Variants in RPAP2 observed in about 807,000 individuals in gnomAD.
RPAP2 encodes putative RNA polymerase II subunit B1 CTD phosphatase RPAP2.
In RPAP2, 52 loss-of-function variants were observed where a neutral mutation model predicts 73.1. The ratio of observed to expected loss-of-function variants is 0.71; its 90% confidence interval spans 0.57 to 0.90. The LOEUF is 0.90. RPAP2 is among the 40% of genes least tolerant of loss of function. The pLI is 0.00. For synonymous variants in RPAP2, 225 were observed against 242.1 expected (o/e 0.93, Z 0.65); for missense variants, 598 against 701.8 (o/e 0.85, Z 1.67).
chr1:92,358,142 T>G (rs936037933), intron 11 of RPAP2, among the ~76,000 whole-genome samples: 1 of 152,182 alleles, frequency 6.6e-6, no homozygotes, highest in African/African-American at 2.4e-5. Flanking sequence ...CCACCTTGCG[T>G]CAGCCCTTCA....
intron 11 of RPAP2, among the ~76,000 whole-genome samples, chr1:92,375,852 T>G (rs1655366214): frequency 6.7e-6 from 1 of 149,122 alleles, no homozygotes; most frequent in African/African-American, 2.5e-5. Flanking sequence ...ACAAAAAATT[T>G]AGATGGGTGT....
chr1:92,401,501 A>G lies in RPAP2; in HGVS notation c.*14490A>G, dbSNP rs1462182237. ...GTCATCAGCAAATAAAGATTATTGT[A>G]CTTGTTCTTTGCCAACCCATATGTC... On this transcript the variant is annotated 3_prime_UTR_variant, in exon 13 of 13. Transcript: ENST00000610020. The G allele has an allele frequency of 2.6e-5, 4 of 152,212 alleles. No individual in the cohort carries two copies. The highest frequency in any genetic ancestry group is 9.7e-5 in the African/African-American group (4 of 41,448). 9.4% of individuals were successfully genotyped at this position (152,212 alleles called of 1,614,324 possible). A position where few individuals can be genotyped will look rare whatever the true frequency, so the allele number is the denominator to read the frequency against.
At chr1:92,356,296 T>C (rs929417389) in intron 11 of RPAP2, among the ~76,000 whole-genome samples, 37 of 152,152 alleles carry the variant, frequency 2.4e-4, no homozygotes, top group African/African-American at 8.0e-4. Context: ...TATTTTATTC[T>C]GGGAATAAGT....
chr1:92,317,401 A>G (rs1036695416), intron 6 of RPAP2, among the ~76,000 whole-genome samples: 1 of 151,790 alleles, frequency 6.6e-6, no homozygotes, highest in African/African-American at 2.4e-5. Context: ...CCAGCTACTC[A>G]GGAGGCTGAG....
rs753517164 is a variant in RPAP2 at position 92,399,055 on chromosome 1, AT to A, written c.*12046del. On this transcript the variant is annotated 3_prime_UTR_variant, in exon 13 of 13. Coordinates refer to ENST00000610020, the MANE Select transcript of RPAP2 (RefSeq NM_024813.3). The stretch of plus-strand genomic sequence containing the variant: ...ACCAATAAAGGAGCTGGGAGGTGGA[AT>A]TGGATCAAAATACCTTTAGATGAAA... The A allele has an allele frequency of 3.0e-4, 46 of 152,336 alleles. No homozygotes were observed. The highest frequency in any genetic ancestry group is 4.3e-4 in the Non-Finnish European group (29 of 68,038). The allele number at this position is 152,336 out of a possible 1,614,324, so 9.4% of individuals were successfully genotyped here.
At position 92,375,925 on chromosome 1, in the gene RPAP2, A is replaced by G. The variant is rs192181090; in HGVS notation, c.1689-4799A>G. 3.4e-3 allele frequency among the ~76,000 whole-genome samples: 516 copies of G among 151,196 alleles called. 6 individuals are homozygous for G. The highest frequency in any genetic ancestry group is 0.011 in the African/African-American group (436 of 41,086). On this transcript the variant is annotated intron_variant, in intron 11 of 12. Transcript: ENST00000610020. ...AGAGGCCCAAAAACCGCTTGAACCC[A>G]GGAGGCAGAGGTTGCAGTGAGCCAA... is the stretch of plus-strand genomic sequence containing the variant.
chr1:92,336,282 G>C, intron 9 of RPAP2, 65 bp from the exon 10 acceptor site: 3 of 1,058,462 alleles, frequency 2.8e-6, no homozygotes, highest in Non-Finnish European at 4.3e-6. Context: ...TCAGATCTAG[G>C]CATGACCCAA....
At chr1:92,354,624 C>G (rs1557620779) in intron 11 of RPAP2, among the ~76,000 whole-genome samples, 2 of 152,094 alleles carry the variant, frequency 1.3e-5, no homozygotes, top group South Asian at 4.1e-4. Flanking sequence ...AGGACATAAA[C>G]CATCTGTTAT....
intron 6 of RPAP2, among the ~76,000 whole-genome samples, chr1:92,313,318 C>T (rs1048189049): frequency 6.6e-6 from 1 of 152,164 alleles, no homozygotes; most frequent in Non-Finnish European, 1.5e-5. Flanking sequence ...TACTCCTTGA[C>T]CCATGGGCTG....
intron 11 of RPAP2, among the ~76,000 whole-genome samples, chr1:92,361,587 A>C (rs1307807672): frequency 6.6e-6 from 1 of 152,182 alleles, no homozygotes; most frequent in Non-Finnish European, 1.5e-5. Context: ...ATATTTTCCC[A>C]TGTGAATACA....
At chr1:92,346,524 C>T (rs192760706) in intron 11 of RPAP2, among the ~76,000 whole-genome samples, 23 of 152,166 alleles carry the variant, frequency 1.5e-4, no homozygotes, top group Non-Finnish European at 2.8e-4. Context: ...ATAGTCTTTT[C>T]GTTTCATTTT....
intron 10 of RPAP2, among the ~76,000 whole-genome samples, chr1:92,343,952 G>A (rs1653737961): frequency 6.6e-6 from 1 of 152,172 alleles, no homozygotes; most frequent in African/African-American, 2.4e-5. Flanking sequence ...AGGAGGAAGA[G>A]GGCATGAAGT....
At chr1:92,380,033 G>A (rs565751500) in intron 11 of RPAP2, among the ~76,000 whole-genome samples, 1 of 85,400 alleles carries the variant, frequency 1.2e-5, no homozygotes, top group South Asian at 3.5e-4. Context: ...GCTGAGGCTG[G>A]TGGATCGCCT....
At position 92,400,192 on chromosome 1, in the gene RPAP2, C is replaced by T. The variant is rs1204442753; in HGVS notation, c.*13181C>T. ...ACCCACTTGGGATTAGGGAAGCCAC[C>T]CTCTGTGAGTGAGTTAAACTGAGAT... is the stretch of plus-strand genomic sequence containing the variant. On this transcript the variant is annotated 3_prime_UTR_variant, in exon 13 of 13. Coordinates refer to ENST00000610020, the MANE Select transcript of RPAP2 (RefSeq NM_024813.3). 1 of 152,116 alleles carries T rather than the reference C, an allele frequency of 6.6e-6. No homozygotes were observed. Among genetic ancestry groups the T allele is most frequent in the East Asian group, 1.9e-4 (1 of 5,172 alleles). The allele number at this position is 152,116 out of a possible 1,614,324, so 9.4% of individuals were successfully genotyped here. A position where few individuals can be genotyped will look rare whatever the true frequency, so the allele number is the denominator to read the frequency against.
chr1:92,387,195 G>A lies in RPAP2; in HGVS notation c.*184G>A. Reference sequence around the variant, plus strand: ...CCAACTGCAGAGGATGACCTCCCCAGATAGAGGAGAATCATTACTCCAACA... The same window carrying A: ...CCAACTGCAGAGGATGACCTCCCCAAATAGAGGAGAATCATTACTCCAACA... On this transcript the variant is annotated 3_prime_UTR_variant, in exon 13 of 13. Transcript: ENST00000610020. 2.3e-6 allele frequency: 1 copy of A among 440,434 alleles called. No individual in the cohort carries two copies. Among genetic ancestry groups the A allele is most frequent in the South Asian group, 7.7e-5 (1 of 12,994 alleles). The allele number at this position is 440,434 out of a possible 1,614,324, so 27.3% of individuals were successfully genotyped here. A position where few individuals can be genotyped will look rare whatever the true frequency, so the allele number is the denominator to read the frequency against.
chr1:92,380,089 C>T (rs1415712283), intron 11 of RPAP2, among the ~76,000 whole-genome samples: 1 of 151,012 alleles, frequency 6.6e-6, no homozygotes, highest in African/African-American at 2.4e-5. Flanking sequence ...ACCAGCCTGG[C>T]CAACATGGTG....
intron 8 of RPAP2, among the ~76,000 whole-genome samples, chr1:92,327,211 A>G (rs1475227770): frequency 2.0e-5 from 3 of 152,194 alleles, no homozygotes; most frequent in Non-Finnish European, 4.4e-5. Context: ...CCTAGTGATC[A>G]TTCAGGAACA....
chr1:92,364,350 T>C (rs1553155113), intron 11 of RPAP2, among the ~76,000 whole-genome samples: 1 of 152,108 alleles, frequency 6.6e-6, no homozygotes, highest in Non-Finnish European at 1.5e-5. Flanking sequence ...ACTAATGAGA[T>C]AATAGTTCAA....
chr1:92,366,498 G>A (rs1472587503), intron 11 of RPAP2, among the ~76,000 whole-genome samples: 1 of 152,178 alleles, frequency 6.6e-6, no homozygotes, highest in Admixed American at 6.5e-5. Context: ...CAGGGTGACA[G>A]GTTCGTTCTC....
Sources: allele counts gnomAD v4.1 joint callset (sites outside exome capture counted in the v4.1 genomes callset), GRCh38; gene constraint gnomAD v4.1.1; transcripts MANE v1.5; gene names NCBI Gene and HGNC (gene_info 2026-07-23, HGNC 2026-07-21).